PCM1: variants seen among roughly 807,000 people sequenced by gnomAD.
The protein encoded by PCM1 is pericentriolar material 1.
In PCM1, 157 loss-of-function variants were observed where a neutral mutation model predicts 241.9. The ratio of observed to expected loss-of-function variants is 0.65; its 90% CI spans 0.57 to 0.74. The LOEUF is 0.74. Ranked by LOEUF, PCM1 falls within the 30% of genes least tolerant of loss-of-function variation. The pLI, the probability that PCM1 is intolerant of heterozygous loss-of-function variation, is 0.00. For missense variants in PCM1, 3,478 were observed against 2,360.1 expected (o/e 1.47, Z -9.81); for synonymous variants, 1,085 against 784.9 (o/e 1.38, Z -6.39).
intron 7 of PCM1, 138 bp downstream of exon 7, chr8:17,947,501 C>A (rs1364004742): frequency 4.8e-6 from 3 of 627,090 alleles, no homozygotes; most frequent in African/African-American, 3.7e-5. Context: ...CTTATACTTT[C>A]CTGTGCTTTT....
chr8:17,955,130 G>A (rs568908849), intron 9 of PCM1, among the ~76,000 whole-genome samples: 1 of 151,992 alleles, frequency 6.6e-6, no homozygotes, highest in Non-Finnish European at 1.5e-5. Context: ...AAGTTTACTC[G>A]TTAGTTAAAA....
rs746988910 is a variant in PCM1 at position 17,967,115 on chromosome 8, G to A, written c.3357G>A (p.Gln1119=). The stretch of plus-strand genomic sequence containing the variant: ...TTTGTCCTTTCAGCTTTCCAACACA[G>A]CCTGTAAATCTCTTCAATATACCTG... ...SLFCPFSFPT[Q]PVNLFNIPGF... is the part of the protein sequence containing the mutation. The change falls in exon 21 of 39, where the codon CAG becomes CAA. Residue 1119 remains glutamine (Q), a synonymous_variant. Coordinates refer to ENST00000325083, the MANE Select transcript of PCM1 (RefSeq NM_006197.4). 16 of 1,606,964 alleles carry A rather than the reference G, an allele frequency of 1.0e-5. No homozygotes were observed. In the South Asian group the frequency reaches 1.8e-4, roughly 18 times the overall value.
intron 36 of PCM1, among the ~76,000 whole-genome samples, chr8:18,023,300 A>G (rs1268037043): frequency 1.3e-5 from 2 of 152,232 alleles, no homozygotes; most frequent in Non-Finnish European, 2.9e-5. Flanking sequence ...ATCCCTTACA[A>G]AAGAACTCCC....
chr8:17,967,494 G>C (rs980712867), intron 21 of PCM1, among the ~76,000 whole-genome samples: 1 of 150,980 alleles, frequency 6.6e-6, no homozygotes, highest in Non-Finnish European at 1.5e-5. Flanking sequence ...TTTTAGTAGA[G>C]ATGGGGTTTC....
At chr8:17,942,237 T>A (rs2062303609) in intron 6 of PCM1, among the ~76,000 whole-genome samples, 2 of 152,170 alleles carry the variant, frequency 1.3e-5, no homozygotes, top group South Asian at 4.1e-4. Context: ...AAGACTGAGG[T>A]GGGCGGATCA....
chr8:17,985,667 CATGATT>C (rs2082341914), intron 25 of PCM1, 48 bp downstream of exon 25: 2 of 1,372,064 alleles, frequency 1.5e-6, no homozygotes, highest in African/African-American at 2.9e-5. Context: ...TCACCTTCTT[CATGATT>C]ATCTCTGGTT....
Position 17,980,592 on chromosome 8 carries a change from G to T in PCM1, c.3945G>T (p.Arg1315Ser), listed in dbSNP as rs1002256580. 1.3e-6 allele frequency: 2 copies of T among 1,582,596 alleles called. No homozygotes were observed. Among genetic ancestry groups the T allele is most frequent in the African/African-American group, 1.4e-5 (1 of 73,238 alleles). Residue 1315 changes from arginine to serine, a missense_variant and splice_region_variant, in exon 24 of 39, where the codon AGG becomes AGT. Arg to Ser is a moderately radical substitution (Grantham distance 110). Transcript: ENST00000325083. ...TQLKSRVKNI[R>S]YESASMSSTC... ...CAGTTGTCACTTTTTTTACTCAAGG[G>T]TATGAAAGTGCCAGTATGTCTAGCA...
intron 8 of PCM1, among the ~76,000 whole-genome samples, chr8:17,951,393 A>C (rs1484209726): frequency 3.3e-5 from 5 of 152,190 alleles, no homozygotes; most frequent in Non-Finnish European, 7.3e-5. Flanking sequence ...GTACCTAGTA[A>C]ATTTCTTCTG....
intron 34 of PCM1, among the ~76,000 whole-genome samples, chr8:18,013,154 C>T (rs1388596018): frequency 6.6e-6 from 1 of 152,116 alleles, no homozygotes; most frequent in Non-Finnish European, 1.5e-5. Context: ...CCTTCACTGT[C>T]GTCCTGCCTG....
chr8:17,960,007 C>T lies in PCM1; in HGVS notation c.2041-7C>T. 1 of 1,611,518 alleles carries T rather than the reference C, an allele frequency of 6.2e-7. No individual in the cohort carries two copies. Among genetic ancestry groups the T allele is most frequent in the Non-Finnish European group, 8.5e-7 (1 of 1,178,738 alleles). ...AAGATTGTTTTAATGTAATGATGCT[C>T]TTTCAGGATGATGATGCAGCTCAAG... On this transcript the variant is annotated splice_region_variant and splice_polypyrimidine_tract_variant and intron_variant, in intron 13 of 38. Transcript: ENST00000325083.
chr8:18,014,393 T>TAA (rs34027006), intron 35 of PCM1, among the ~76,000 whole-genome samples, 191 bp from the exon 36 acceptor site: 7 of 151,936 alleles, frequency 4.6e-5, no homozygotes, highest in Non-Finnish European at 8.8e-5. Flanking sequence ...ATCTGAGTCT[T>TAA]AAAATGCTCC....
In PCM1 at chr8:17,939,632, C is replaced by G. The variant is rs536242329; in HGVS notation, c.613-59C>G. 22 of 880,938 alleles carry G rather than the reference C, an allele frequency of 2.5e-5. No homozygotes were observed. In the East Asian group the frequency reaches 6.1e-4, roughly 24 times the overall value. The allele number at this position is 880,938 out of a possible 1,614,324, so 54.6% of individuals were successfully genotyped here. ...AACTGTTGCTATTGAACTAATTATCCTTAGTTTTATATATTGTGTACTTTC... is the reference window on the plus strand; with the variant it reads ...AACTGTTGCTATTGAACTAATTATCGTTAGTTTTATATATTGTGTACTTTC... On this transcript the variant is annotated intron_variant, in intron 5 of 38. Transcript: ENST00000325083.
At chr8:17,940,030 A>C in intron 6 of PCM1, 169 bp downstream of exon 6, 1 of 1,508,406 alleles carries the variant, frequency 6.6e-7, no homozygotes, top group African/African-American at 1.4e-5. Flanking sequence ...TTATACCGCT[A>C]AAATATTTCA....
At chr8:18,016,429 C>CAGAGAAGAGAAGAGTA (rs1564410631) in intron 36 of PCM1, among the ~76,000 whole-genome samples, 1 of 151,518 alleles carries the variant, frequency 6.6e-6, no homozygotes, top group East Asian at 1.9e-4. Context: ...TACACTTTAC[C>CAGAGAAGAGAAGAGTA]AGAGAAGAGA....
rs1487474641 is a variant in PCM1, at chr8:18,029,356, T to A, written c.*1694T>A. On this transcript the variant is annotated 3_prime_UTR_variant, in exon 39 of 39. Coordinates refer to ENST00000325083, the MANE Select transcript of PCM1 (RefSeq NM_006197.4). ...TCAGAATTCGGAGTTCTTATCCAGG[T>A]GCTCTAACTAACTTCAGGGAAATTG... 4.7e-6 allele frequency: 1 copy of A among 212,096 alleles called. No homozygotes were observed. The highest frequency in any genetic ancestry group is 7.0e-5 in the East Asian group (1 of 14,188). 13.1% of individuals were successfully genotyped at this position (212,096 alleles called of 1,614,324 possible).
intron 4 of PCM1, among the ~76,000 whole-genome samples, chr8:17,937,830 T>A (rs1420182691): frequency 6.6e-6 from 1 of 152,170 alleles, no homozygotes; most frequent in South Asian, 2.1e-4. Flanking sequence ...TGATAATAAA[T>A]TCTTGAGAGA....
chr8:17,970,998 A>G (rs1004646604), intron 22 of PCM1, among the ~76,000 whole-genome samples: 1 of 152,194 alleles, frequency 6.6e-6, no homozygotes, highest in African/African-American at 2.4e-5. Flanking sequence ...CTGGCCATAT[A>G]GTGTTTATCA....
At chr8:17,976,855 A>G (rs1233403457) in intron 23 of PCM1, among the ~76,000 whole-genome samples, 1 of 152,086 alleles carries the variant, frequency 6.6e-6, no homozygotes, top group East Asian at 1.9e-4. Context: ...TTTGGGACTC[A>G]TATATAAAAC....
intron 8 of PCM1, among the ~76,000 whole-genome samples, chr8:17,952,292 T>C (rs1464858848): frequency 1.1e-4 from 17 of 150,550 alleles, no homozygotes; most frequent in African/African-American, 4.2e-4. Flanking sequence ...GTGGGAAAAA[T>C]TGATAGGTTA....
Sources: gnomAD v4.1 joint callset for allele counts (sites outside exome capture counted in the v4.1 genomes callset) on GRCh38, gnomAD v4.1.1 for gene constraint, MANE v1.5 for transcripts, NCBI Gene and HGNC (gene_info 2026-07-23, HGNC 2026-07-21) for gene names.